The following KCNIP1 variants were observed in gnomAD, a reference collection of about 807,000 sequenced individuals.
KCNIP1 encodes A-type potassium channel modulatory protein KCNIP1.
Under a neutral mutation model 33.0 loss-of-function variants are expected in KCNIP1, and 18 were observed. That is an observed-to-expected ratio of 0.55 (90% confidence interval 0.38 to 0.81). The LOEUF is 0.81. KCNIP1 is among the 30% of genes least tolerant of loss of function. The probability of loss-of-function intolerance (pLI) is 0.00; values close to 1 mark genes in which losing one functional copy is unlikely to be tolerated. For missense variants in KCNIP1, 238 were observed against 271.6 expected (o/e 0.88, Z 0.87); for synonymous variants, 93 against 98.3 (o/e 0.95, Z 0.32).
At chr5:170,419,524 AC>A (rs138718608) in intron 1 of KCNIP1, among the ~76,000 whole-genome samples, 2,312 of 152,360 alleles carry the variant, frequency 0.015, 36 homozygotes, top group East Asian at 0.069. Flanking sequence ...TTCTGCTTCA[AC>A]CAGAAATGGA....
chr5:170,544,350 A>G (rs1756331450), intron 1 of KCNIP1, among the ~76,000 whole-genome samples: 1 of 152,146 alleles, frequency 6.6e-6, no homozygotes, highest in Non-Finnish European at 1.5e-5. Context: ...GTTACCCTTG[A>G]TATTTTAACA....
At chr5:170,625,916 G>GA (rs1759802667) in intron 1 of KCNIP1, among the ~76,000 whole-genome samples, 1 of 152,228 alleles carries the variant, frequency 6.6e-6, no homozygotes, top group Non-Finnish European at 1.5e-5. Context: ...ACTGAGCAGT[G>GA]ACCTGGGGGA....
chr5:170,574,076 C>T (rs910955280), intron 1 of KCNIP1, among the ~76,000 whole-genome samples: 2 of 152,108 alleles, frequency 1.3e-5, no homozygotes, highest in Non-Finnish European at 2.9e-5. Context: ...ACTTTTATTG[C>T]CATAGGGCTA....
chr5:170,630,852 A>G (rs118152520), intron 1 of KCNIP1, among the ~76,000 whole-genome samples: 2 of 152,324 alleles, frequency 1.3e-5, no homozygotes, highest in East Asian at 3.9e-4. Flanking sequence ...CCAGGTCCAG[A>G]AACTGAGGCT....
chr5:170,707,393 C>A (rs1190937355), intron 1 of KCNIP1, among the ~76,000 whole-genome samples: 1 of 152,176 alleles, frequency 6.6e-6, no homozygotes, highest in Admixed American at 6.5e-5. Flanking sequence ...TCTTTTAGGG[C>A]TGCTGCTTTC....
chr5:170,465,042 A>G (rs1756580571), intron 1 of KCNIP1, among the ~76,000 whole-genome samples: 1 of 152,108 alleles, frequency 6.6e-6, no homozygotes, highest in Non-Finnish European at 1.5e-5. Flanking sequence ...TGTTCTGATG[A>G]TCTTTCAGTC....
intron 1 of KCNIP1, among the ~76,000 whole-genome samples, chr5:170,368,566 A>T (rs944477896): frequency 6.6e-6 from 1 of 152,176 alleles, no homozygotes; most frequent in African/African-American, 2.4e-5. Context: ...CCCGGCCTAA[A>T]GTTCTTCTTG....
chr5:170,540,237 G>T (rs1051707777), intron 1 of KCNIP1, among the ~76,000 whole-genome samples: 3 of 152,194 alleles, frequency 2.0e-5, no homozygotes, highest in African/African-American at 7.2e-5. Flanking sequence ...TGGGGGCATG[G>T]CTCCCTCAAA....
At chr5:170,732,404 T>C (rs551151867) in intron 5 of KCNIP1, among the ~76,000 whole-genome samples, 1 of 152,362 alleles carries the variant, frequency 6.6e-6, no homozygotes, top group African/African-American at 2.4e-5. Flanking sequence ...TGGTTCATTT[T>C]TCTTAACTGA....
chr5:170,722,308 G>A lies in KCNIP1; in HGVS notation c.327+405G>A, dbSNP rs149299057. 5.9e-4 allele frequency among the ~76,000 whole-genome samples: 90 copies of A among 152,256 alleles called. No individual in the cohort carries two copies. In the East Asian group the frequency reaches 0.017, roughly 29 times the overall value. ...AGAGTAGTTTTCCCAAGGTCAAAGA[G>A]CACATAAATGATAAAGGATGGATTT... On this transcript the variant is annotated intron_variant, in intron 4 of 7. Coordinates refer to ENST00000328939, the MANE Select transcript of KCNIP1 (RefSeq NM_014592.4).
chr5:170,508,936 G>C (rs570357572), intron 1 of KCNIP1, among the ~76,000 whole-genome samples: 4 of 152,206 alleles, frequency 2.6e-5, no homozygotes, highest in African/African-American at 9.6e-5. Context: ...CAGAGGTCAG[G>C]GTTCTTGGGG....
upstream of KCNIP1, among the ~76,000 whole-genome samples, chr5:170,499,585 C>T (rs1181566203): frequency 6.6e-6 from 1 of 152,216 alleles, no homozygotes; most frequent in Non-Finnish European, 1.5e-5. Flanking sequence ...CAAATTAATG[C>T]TCTCAATCTG....
intron 1 of KCNIP1, among the ~76,000 whole-genome samples, chr5:170,465,573 T>C (rs1395566294): frequency 6.6e-6 from 1 of 152,144 alleles, no homozygotes; most frequent in East Asian, 1.9e-4. Context: ...AAATAGATAC[T>C]TCCTAATCTC....
intron 1 of KCNIP1, among the ~76,000 whole-genome samples, chr5:170,371,627 A>G (rs537419436): frequency 6.6e-6 from 1 of 152,296 alleles, no homozygotes; most frequent in East Asian, 1.9e-4. Context: ...GATACTAATA[A>G]TAACCTCAAA....
intron 1 of KCNIP1, among the ~76,000 whole-genome samples, chr5:170,572,854 G>C (rs1757470779): frequency 6.6e-6 from 1 of 152,224 alleles, no homozygotes; most frequent in Admixed American, 6.5e-5. Flanking sequence ...CAATCATTTA[G>C]TGTGACTTTA....
At chr5:170,731,141 C>T (rs1764179723) in intron 5 of KCNIP1, among the ~76,000 whole-genome samples, 1 of 152,104 alleles carries the variant, frequency 6.6e-6, no homozygotes, top group East Asian at 1.9e-4. Context: ...CTGAAAGATA[C>T]TAAATCAGTA....
At chr5:170,529,686 A>T (rs1755714535) in intron 1 of KCNIP1, among the ~76,000 whole-genome samples, 1 of 152,174 alleles carries the variant, frequency 6.6e-6, no homozygotes. Flanking sequence ...CCTTCTTCTG[A>T]ACCTCTGAGA....
At chr5:170,729,052 CT>C (rs1277095746) in intron 5 of KCNIP1, among the ~76,000 whole-genome samples, 1 of 151,856 alleles carries the variant, frequency 6.6e-6, no homozygotes, top group African/African-American at 2.4e-5. Context: ...TTAAATGATT[CT>C]TGGAAAACTG....
intron 1 of KCNIP1, among the ~76,000 whole-genome samples, chr5:170,418,827 G>T (rs1334460166): frequency 1.3e-5 from 2 of 152,138 alleles, no homozygotes; most frequent in African/African-American, 4.8e-5. Flanking sequence ...CTACTCAGCA[G>T]CAGCTATCCA....
Sources: allele counts gnomAD v4.1 joint callset (sites outside exome capture counted in the v4.1 genomes callset), GRCh38; gene constraint gnomAD v4.1.1; transcripts MANE v1.5; gene names NCBI Gene and HGNC (gene_info 2026-07-23, HGNC 2026-07-21).